Variants in TSPEAR observed in about 807,000 individuals in gnomAD.
TSPEAR encodes thrombospondin-type laminin G domain and EAR repeat-containing protein.
Under a neutral mutation model 71.6 loss-of-function variants are expected in TSPEAR, and 69 were observed. The observed-to-expected ratio is 0.96, with a 90% CI of 0.79 to 1.18. TSPEAR has a LOEUF of 1.18. TSPEAR is among the 50% of genes most tolerant of loss of function. TSPEAR has a pLI of 0.00. For synonymous variants in TSPEAR, 402 were observed against 387.2 expected (o/e 1.04, Z -0.45); for missense variants, 971 against 894.9 (o/e 1.09, Z -1.09).
intron 2 of TSPEAR, among the ~76,000 whole-genome samples, chr21:44,535,081 G>A (rs1166704270): frequency 6.6e-6 from 1 of 152,172 alleles, no homozygotes; most frequent in Non-Finnish European, 1.5e-5. Context: ...GGGGGTGATG[G>A]GGAGTAAGTG....
intron 9 of TSPEAR, chr21:44,518,947 G>T: frequency 3.9e-6 from 1 of 256,508 alleles, no homozygotes; most frequent in Non-Finnish European, 7.9e-6. Context: ...ACTGCTGTCG[G>T]CCGGATTGCT....
At chr21:44,703,067 C>G (rs187828534) in intron 1 of TSPEAR, among the ~76,000 whole-genome samples, 3 of 152,292 alleles carry the variant, frequency 2.0e-5, no homozygotes, top group East Asian at 1.9e-4. Flanking sequence ...GGTCCCTGGC[C>G]CCCCCTGCCC....
At chr21:44,657,981 T>C in intron 1 of TSPEAR, 1 of 1,612,626 alleles carries the variant, frequency 6.2e-7, no homozygotes, top group Non-Finnish European at 8.5e-7. Context: ...CACGCCACCA[T>C]GTGCCACACC....
At chr21:44,606,958 A>T (rs1981355579) in intron 1 of TSPEAR, among the ~76,000 whole-genome samples, 2 of 152,258 alleles carry the variant, frequency 1.3e-5, no homozygotes, top group South Asian at 4.1e-4. Context: ...ACTGCATTGC[A>T]TGGTGACACA....
Position 44,695,637 on chromosome 21 carries a change from G to A in TSPEAR, c.82+15796C>T. On this transcript the variant is annotated intron_variant, in intron 1 of 11. Transcript: ENST00000323084. The surrounding 1 kb of genome is among the most constrained non-coding windows in gnomAD (Gnocchi z 4.5). ...TAAATATTCAGAATCTTCTCAAGCA[G>A]GTTGTTAAACTGCTCATAGCTTGAA... 6.6e-6 allele frequency among the ~76,000 whole-genome samples: 1 copy of A among 152,184 alleles called. No individual in the cohort carries two copies. The highest frequency in any genetic ancestry group is 6.5e-5 in the Admixed American group (1 of 15,284).
intron 1 of TSPEAR, chr21:44,654,648 C>G (rs12482041): frequency 0.24 from 337,837 of 1,418,792 alleles, 40,878 homozygotes; most frequent in Middle Eastern, 0.26. Flanking sequence ...GCGCAGAGGA[C>G]AGGGCTGGTC....
At chr21:44,527,001 A>C (rs2052869209) in intron 7 of TSPEAR, among the ~76,000 whole-genome samples, 1 of 152,058 alleles carries the variant, frequency 6.6e-6, no homozygotes. Flanking sequence ...TCATGTAAAC[A>C]CTCTCAACAG....
Position 44,504,887 on chromosome 21 carries a change from G to A in TSPEAR, c.1755-6C>T, listed in dbSNP as rs2052158936. 1.9e-6 allele frequency: 3 copies of A among 1,606,852 alleles called. No individual in the cohort carries two copies. Among genetic ancestry groups the A allele is most frequent in the Admixed American group, 1.7e-5 (1 of 59,954 alleles). On this transcript the variant is annotated splice_region_variant and splice_polypyrimidine_tract_variant and intron_variant, in intron 10 of 11. Coordinates refer to ENST00000323084, the MANE Select transcript of TSPEAR (RefSeq NM_144991.3). ...AAAACTCCCAGTCCAGAGCACTGCA[G>A]GAACAAGTGGGTGGATATTAGGACA...
intron 10 of TSPEAR, 94 bp downstream of exon 10, chr21:44,509,077 AGGAAGGTCCCCAGGCCAGTCTTTCCACG>A: frequency 6.7e-6 from 9 of 1,351,138 alleles, no homozygotes; most frequent in Non-Finnish European, 9.1e-6. Context: ...TTCTTTCCAC[AGGAAGGTCCCCAGGCCAGTCTTTCCACG>A]GGAAGGGTGG....
intron 11 of TSPEAR, among the ~76,000 whole-genome samples, chr21:44,502,787 C>T (rs1365943219): frequency 2.6e-5 from 4 of 152,238 alleles, no homozygotes; most frequent in Non-Finnish European, 4.4e-5. Context: ...GTGGCACCTG[C>T]GAGAGAAGGT....
chr21:44,668,990 A>G (rs1985923813), intron 1 of TSPEAR, among the ~76,000 whole-genome samples: 1 of 152,206 alleles, frequency 6.6e-6, no homozygotes, highest in African/African-American at 2.4e-5. Flanking sequence ...AATCCACATG[A>G]TAGACGTAAA....
intron 8 of TSPEAR, among the ~76,000 whole-genome samples, chr21:44,525,038 G>A (rs1555914756): frequency 6.6e-6 from 1 of 151,726 alleles, no homozygotes; most frequent in East Asian, 2.0e-4. Flanking sequence ...CATTCAGGTG[G>A]TCAGTCAGTC....
intron 1 of TSPEAR, chr21:44,638,283 CTT>C (rs1983797431): frequency 7.0e-7 from 1 of 1,429,000 alleles, no homozygotes; most frequent in African/African-American, 1.5e-5. Flanking sequence ...GGGGCAGGCT[CTT>C]TGTCTTGGGG....
In TSPEAR at chr21:44,711,419, T is replaced by C; in HGVS notation, c.82+14A>G. ...CAAGATACCCCCGCCCGAGTTCCCA[T>C]GCCCCTGCCTTACCTGTGCAGGGCT... On this transcript the variant is annotated intron_variant, in intron 1 of 11. Transcript: ENST00000323084. This position sits in a 1 kb window ranked among gnomAD's most constrained non-coding sequence, Gnocchi z 4.5. 1 of 1,583,462 alleles carries C rather than the reference T, an allele frequency of 6.3e-7. No homozygotes were observed. Among genetic ancestry groups the C allele is most frequent in the Non-Finnish European group, 8.6e-7 (1 of 1,165,080 alleles).
intron 8 of TSPEAR, among the ~76,000 whole-genome samples, chr21:44,523,392 CAGTT>C (rs199761580): frequency 0.041 from 6,162 of 151,982 alleles, 424 homozygotes; most frequent in African/African-American, 0.14. Flanking sequence ...GTTGGTCAGT[CAGTT>C]AGGTAGTTAA....
chr21:44,629,890 G>A (rs1569229353), intron 1 of TSPEAR, among the ~76,000 whole-genome samples: 2 of 152,218 alleles, frequency 1.3e-5, no homozygotes, highest in Admixed American at 1.3e-4. Flanking sequence ...AGGGGAAGGT[G>A]GGGATGGAGC....
intron 1 of TSPEAR, chr21:44,575,040 C>G (rs782774285): frequency 2.7e-5 from 43 of 1,572,858 alleles, no homozygotes; most frequent in Non-Finnish European, 3.5e-5. Flanking sequence ...GACACGCCCC[C>G]CAGTGCCAGC....
chr21:44,600,534 A>G, intron 1 of TSPEAR: 2 of 1,456,322 alleles, frequency 1.4e-6, no homozygotes, highest in African/African-American at 1.4e-5. Context: ...TATAAAAGCC[A>G]ACATCCCTGA....
At chr21:44,688,447 G>A (rs923639298) in intron 1 of TSPEAR, among the ~76,000 whole-genome samples, 5 of 152,188 alleles carry the variant, frequency 3.3e-5, no homozygotes, top group African/African-American at 4.8e-5. Context: ...ACGGCCGGGC[G>A]CGGTGGCTCA....
Sources: gnomAD v4.1 joint callset for allele counts (sites outside exome capture counted in the v4.1 genomes callset) on GRCh38, gnomAD v4.1.1 for gene constraint, Gnocchi (gnomAD v3.1) non-coding constraint, MANE v1.5 for transcripts, NCBI Gene and HGNC (gene_info 2026-07-23, HGNC 2026-07-21) for gene names.